The following HAPLN3 variants were observed in gnomAD, a reference collection of about 807,000 sequenced individuals.
HAPLN3 encodes hyaluronan and proteoglycan link protein 3.
Under a neutral mutation model 28.1 loss-of-function variants are expected in HAPLN3, and 28 were observed. The observed-to-expected ratio is 1.00, with a 90% CI of 0.74 to 1.37. The LOEUF (loss-of-function observed/expected upper bound fraction) is 1.37. Ranked by LOEUF, HAPLN3 falls within the 40% of genes most tolerant of loss-of-function variation. The pLI, the probability that HAPLN3 is intolerant of heterozygous loss-of-function variation, is 0.00. For missense variants in HAPLN3, 513 were observed against 504.6 expected (o/e 1.02, Z -0.16); for synonymous variants, 211 against 213.1 (o/e 0.99, Z 0.09).
In HAPLN3 at chr15:88,881,848, C is replaced by G. The variant is rs890794523; in HGVS notation, c.125-123G>C. 1.1e-6 allele frequency: 1 copy of G among 924,422 alleles called. No homozygotes were observed. Among genetic ancestry groups the G allele is most frequent in the African/African-American group, 1.7e-5 (1 of 60,344 alleles). 57.3% of individuals were successfully genotyped at this position (924,422 alleles called of 1,614,324 possible). A position where few individuals can be genotyped will look rare whatever the true frequency, so the allele number is the denominator to read the frequency against. On this transcript the variant is annotated intron_variant, in intron 2 of 4. Transcript: ENST00000359595. The surrounding 1 kb of genome is among the most constrained non-coding windows in gnomAD (Gnocchi z 6.0). The stretch of plus-strand genomic sequence containing the variant: ...AGATTGCAAAAATGGCCACCATGCT[C>G]CACCCCTCCCTGTATCCACATGCTC...
In HAPLN3 at chr15:88,879,780, G is replaced by A. The variant is rs2077268331; in HGVS notation, c.494-511C>T. 3 of 1,122,310 alleles carry A rather than the reference G, an allele frequency of 2.7e-6. No individual in the cohort carries two copies. Among genetic ancestry groups the A allele is most frequent in the Non-Finnish European group, 3.3e-6 (3 of 909,440 alleles). 69.5% of individuals were successfully genotyped at this position (1,122,310 alleles called of 1,614,324 possible). ...GGCCGTGGGGAGAGGGTTGGGGAAG[G>A]GCCTTCCATAAAGGAGGCTCAAGGG... is the stretch of plus-strand genomic sequence containing the variant. On this transcript the variant is annotated intron_variant, in intron 3 of 4. Transcript: ENST00000359595. The surrounding 1 kb of genome is among the most constrained non-coding windows in gnomAD (Gnocchi z 5.0).
At chr15:88,894,766 A>G (rs1898111685) in intron 1 of HAPLN3, among the ~76,000 whole-genome samples, 1 of 152,190 alleles carries the variant, frequency 6.6e-6, no homozygotes, top group African/African-American at 2.4e-5. Context: ...ACTGGGTCCA[A>G]GTGCCGTGCT....
chr15:88,887,217 TGGA>T lies in HAPLN3; in HGVS notation c.79_81del (p.Ser27del). On this transcript the variant is annotated inframe_deletion, in exon 2 of 5. Coordinates refer to ENST00000359595, the MANE Select transcript of HAPLN3 (RefSeq NM_178232.4). ...CCTAGGTTCTGGTCGTTGGCGCTGTTGGAGTAGTAGAAGCCGTTGTAGAAGGGC... is the reference window on the plus strand; with the variant it reads ...CCTAGGTTCTGGTCGTTGGCGCTGTTGTAGTAGAAGCCGTTGTAGAAGGGC... 6.2e-7 allele frequency: 1 copy of T among 1,614,040 alleles called. No homozygotes were observed. Among genetic ancestry groups the T allele is most frequent in the Non-Finnish European group, 8.5e-7 (1 of 1,179,992 alleles).
chr15:88,880,287 C>A lies in HAPLN3; in HGVS notation c.494-1018G>T. On this transcript the variant is annotated intron_variant, in intron 3 of 4. Transcript: ENST00000359595. This position sits in a 1 kb window ranked among gnomAD's most constrained non-coding sequence, Gnocchi z 6.0. ...AGACCAATGACTCTTGCAGGTTCTC[C>A]CCAACTCCACTGCCACCCCAACTTC... 9.4e-7 allele frequency: 1 copy of A among 1,061,984 alleles called. No individual in the cohort carries two copies. Among genetic ancestry groups the A allele is most frequent in the South Asian group, 2.8e-5 (1 of 36,330 alleles). 65.8% of individuals were successfully genotyped at this position (1,061,984 alleles called of 1,614,324 possible).
At chr15:88,889,747 TG>T (rs940410956) in intron 1 of HAPLN3, among the ~76,000 whole-genome samples, 1 of 152,210 alleles carries the variant, frequency 6.6e-6, no homozygotes, top group Admixed American at 6.5e-5. Flanking sequence ...AAGGTAGACC[TG>T]GGGGCAGCAA....
chr15:88,881,528 T>C lies in HAPLN3; in HGVS notation c.322A>G (p.Arg108Gly). The C allele has an allele frequency of 1.9e-6, 3 of 1,614,090 alleles. No individual in the cohort carries two copies. The highest frequency in any genetic ancestry group is 2.5e-6 in the Non-Finnish European group (3 of 1,180,032). Residue 108 changes from arginine to glycine, a missense_variant, in exon 3 of 5, where the codon AGG (arginine) becomes GGG (glycine). Transcript: ENST00000359595. The surrounding 1 kb of genome is among the most constrained non-coding windows in gnomAD (Gnocchi z 6.0). ...TGGTAGTCCCCAAAGGAGCGGTGCC[T>C]CAGCCCGATGGCCACCAGCACGTCC... ...EKDVLVAIGL[R>G]HRSFGDYQGR...
At chr15:88,894,636 C>T (rs1415945469) in intron 1 of HAPLN3, among the ~76,000 whole-genome samples, 2 of 152,212 alleles carry the variant, frequency 1.3e-5, no homozygotes, top group African/African-American at 4.8e-5. Context: ...GGGCCCCTCT[C>T]AATCGCTGCC....
intron 4 of HAPLN3, among the ~76,000 whole-genome samples, chr15:88,878,530 A>G (rs930393399): frequency 6.6e-6 from 1 of 152,158 alleles, no homozygotes; most frequent in African/African-American, 2.4e-5. Flanking sequence ...GACCAGTCAG[A>G]GTCTCTTGCC....
rs1228251132 is a variant in HAPLN3 at position 88,877,846 on chromosome 15, T to G, written c.*124A>C. ...CTTTACAAAAAATAGTAAAAAAATGTTTAAAGAAAATTTAAATTGAGAAGT... is the reference window on the plus strand; with the variant it reads ...CTTTACAAAAAATAGTAAAAAAATGGTTAAAGAAAATTTAAATTGAGAAGT... On this transcript the variant is annotated 3_prime_UTR_variant, in exon 5 of 5. Transcript: ENST00000359595. This position sits in a 1 kb window ranked among gnomAD's most constrained non-coding sequence, Gnocchi z 5.1. The G allele has an allele frequency of 2.0e-6, 2 of 1,018,034 alleles. No homozygotes were observed. The highest frequency in any genetic ancestry group is 2.8e-6 in the Non-Finnish European group (2 of 715,856). 63.1% of individuals were successfully genotyped at this position (1,018,034 alleles called of 1,614,324 possible).
intron 2 of HAPLN3, among the ~76,000 whole-genome samples, chr15:88,884,645 G>A (rs1897797132): frequency 6.6e-6 from 1 of 152,146 alleles, no homozygotes; most frequent in South Asian, 2.1e-4. Context: ...CTAAATAATG[G>A]CCTCCCAAAA....
In HAPLN3 at chr15:88,881,295, C is replaced by A; in HGVS notation, c.493+62G>T. 1 of 1,538,994 alleles carries A rather than the reference C, an allele frequency of 6.5e-7. No homozygotes were observed. Among genetic ancestry groups the A allele is most frequent in the Non-Finnish European group, 8.7e-7 (1 of 1,142,984 alleles). The stretch of plus-strand genomic sequence containing the variant: ...TAAAGCACAGAGGTCTGGATGTTTT[C>A]TCTGGTCCTCTCCCCTCTGCTCTCA... On this transcript the variant is annotated intron_variant, in intron 3 of 4. Transcript: ENST00000359595. The surrounding 1 kb of genome is among the most constrained non-coding windows in gnomAD (Gnocchi z 6.0).
At chr15:88,878,670 CTG>C (rs957437865) in intron 4 of HAPLN3, among the ~76,000 whole-genome samples, 3 of 152,242 alleles carry the variant, frequency 2.0e-5, no homozygotes, top group African/African-American at 7.2e-5. Flanking sequence ...TGAAGACAGG[CTG>C]TGTTTTATTC....
At position 88,879,036 on chromosome 15, in the gene HAPLN3, G is replaced by T; in HGVS notation, c.727C>A (p.Arg243=). Residue 243 remains arginine, a synonymous_variant, in exon 4 of 5, where the codon CGA becomes AGA. Transcript: ENST00000359595. This position sits in a 1 kb window ranked among gnomAD's most constrained non-coding sequence, Gnocchi z 5.0. ...CGGPGLAPGV[R]SYGPRHRRLH... ...CGGCGGTGGCGGGGGCCGTAGCTTC[G>T]CACGCCAGGTGCCAGGCCCGGGCCA... 1 of 1,607,512 alleles carries T rather than the reference G, an allele frequency of 6.2e-7. No individual in the cohort carries two copies. The highest frequency in any genetic ancestry group is 1.1e-5 in the South Asian group (1 of 90,302).
chr15:88,893,248 T>C (rs1265260917), intron 1 of HAPLN3: 8 of 604,130 alleles, frequency 1.3e-5, no homozygotes, highest in Non-Finnish European at 2.4e-5. Context: ...GAAACCCCCA[T>C]CTCTAATGAA....
At chr15:88,894,908 G>T (rs1436268122) in intron 1 of HAPLN3, among the ~76,000 whole-genome samples, 1 of 152,192 alleles carries the variant, frequency 6.6e-6, no homozygotes, top group African/African-American at 2.4e-5. Flanking sequence ...GGTGAGCGAG[G>T]TCTGGAACCC....
At position 88,878,220 on chromosome 15, in the gene HAPLN3, G is replaced by A. The variant is rs1195442815; in HGVS notation, c.833C>T (p.Thr278Met). The A allele has an allele frequency of 3.7e-6, 6 of 1,613,824 alleles. No individual in the cohort carries two copies. The highest frequency in any genetic ancestry group is 1.1e-5 in the South Asian group (1 of 91,052). ...VYYLEHPEKL[T>M]LTEAREACQE... The stretch of plus-strand genomic sequence containing the variant: ...GCAGGCCTCCCTTGCCTCTGTCAGC[G>A]TCAGCTTCTCAGGGTGCTCCAGGTA... The change falls in exon 5 of 5, where the codon ACG (threonine) becomes ATG (methionine). Residue 278 changes from threonine (T) to methionine (M), a missense_variant. Coordinates refer to ENST00000359595, the MANE Select transcript of HAPLN3 (RefSeq NM_178232.4).
intron 1 of HAPLN3, among the ~76,000 whole-genome samples, chr15:88,891,684 A>T (rs574600810): frequency 6.6e-6 from 1 of 152,328 alleles, no homozygotes; most frequent in East Asian, 1.9e-4. Flanking sequence ...GCACAGAGAG[A>T]CTAAGTCATA....
chr15:88,886,356 A>G (rs1897854502), intron 2 of HAPLN3, among the ~76,000 whole-genome samples: 1 of 151,288 alleles, frequency 6.6e-6, no homozygotes, highest in Non-Finnish European at 1.5e-5. Context: ...ATCTTAAAAA[A>G]AAAAAAAAAA....
At chr15:88,882,992 A>G (rs1897748359) in intron 2 of HAPLN3, among the ~76,000 whole-genome samples, 1 of 152,216 alleles carries the variant, frequency 6.6e-6, no homozygotes, top group Non-Finnish European at 1.5e-5. Context: ...GTGAGAGAGC[A>G]AGACTCTGTT....
Sources: allele counts gnomAD v4.1 joint callset (sites outside exome capture counted in the v4.1 genomes callset), GRCh38; gene constraint gnomAD v4.1.1; non-coding constraint Gnocchi (gnomAD v3.1); transcripts MANE v1.5; gene names NCBI Gene and HGNC (gene_info 2026-07-23, HGNC 2026-07-21).